CDH18: variants seen among roughly 807,000 people sequenced by gnomAD.
CDH18 encodes cadherin-18.
A neutral mutation model predicts 67.9 loss-of-function variants in CDH18; 31 were observed. The ratio of observed to expected loss-of-function variants is 0.46; its 90% CI spans 0.34 to 0.62. The LOEUF is 0.62. CDH18 is among the 20% of genes least tolerant of loss of function. The pLI, the probability that CDH18 is intolerant of heterozygous loss-of-function variation, is 0.01. For synonymous variants in CDH18, 362 were observed against 347.2 expected (o/e 1.04, Z -0.48); for missense variants, 890 against 975.5 (o/e 0.91, Z 1.17).
rs1750564379 is a variant in CDH18 at position 19,620,733 on chromosome 5, G to A, written c.644-8132C>T. On this transcript the variant is annotated intron_variant, in intron 5 of 12. Transcript: ENST00000382275. ...TGCTTGCATTTTATTTCTGTTATTA[G>A]TATTCAATGTGATCTGTGTTTTCAA... Among the ~76,000 whole-genome samples, 6 of 151,996 alleles carry A rather than the reference G, an allele frequency of 3.9e-5. No homozygotes were observed. The South Asian group carries it at 1.2e-3, about 32-fold the overall frequency.
At chr5:20,033,098 T>C (rs1739544971) in intron 2 of CDH18, among the ~76,000 whole-genome samples, 1 of 152,002 alleles carries the variant, frequency 6.6e-6, no homozygotes, top group Non-Finnish European at 1.5e-5. Context: ...TCTGCAGCTC[T>C]AAAACTGGTT....
intron 2 of CDH18, among the ~76,000 whole-genome samples, chr5:19,998,014 G>A (rs1197137975): frequency 6.6e-6 from 1 of 152,166 alleles, no homozygotes. Context: ...CTGGAAACAT[G>A]AAATGGAAAA....
chr5:19,779,203 G>A (rs979223682), intron 3 of CDH18, among the ~76,000 whole-genome samples: 2 of 152,090 alleles, frequency 1.3e-5, no homozygotes, highest in African/African-American at 4.8e-5. Context: ...AGCAGACAGA[G>A]ACTCACATTA....
intron 2 of CDH18, among the ~76,000 whole-genome samples, chr5:20,148,237 G>T (rs1466330664): frequency 6.6e-6 from 1 of 151,584 alleles, no homozygotes; most frequent in Middle Eastern, 3.4e-3. Context: ...GACTACAGAC[G>T]CCCATCACCA....
intron 1 of CDH18, among the ~76,000 whole-genome samples, chr5:20,540,433 C>T (rs1417560333): frequency 6.6e-6 from 1 of 152,040 alleles, no homozygotes; most frequent in Non-Finnish European, 1.5e-5. Flanking sequence ...ATAATGATAG[C>T]TACATATGAT....
intron 1 of CDH18, among the ~76,000 whole-genome samples, chr5:20,411,220 G>A (rs142163607): frequency 2.6e-5 from 4 of 152,046 alleles, no homozygotes; most frequent in East Asian, 1.9e-4. Flanking sequence ...CAATGATACA[G>A]TAAGTAAAAC....
At chr5:20,368,763 C>T (rs1037153542) in intron 1 of CDH18, among the ~76,000 whole-genome samples, 1 of 152,140 alleles carries the variant, frequency 6.6e-6, no homozygotes. Flanking sequence ...CTGGTGCCAA[C>T]AGCAAGAGCA....
At chr5:19,854,068 G>T (rs990150155) in intron 2 of CDH18, among the ~76,000 whole-genome samples, 1 of 152,088 alleles carries the variant, frequency 6.6e-6, no homozygotes, top group African/African-American at 2.4e-5. Context: ...GAGAAGACAT[G>T]CAGGGCTTTT....
At chr5:20,389,505 C>A (rs897110429) in intron 1 of CDH18, among the ~76,000 whole-genome samples, 1 of 152,006 alleles carries the variant, frequency 6.6e-6, no homozygotes, top group Non-Finnish European at 1.5e-5. Flanking sequence ...ACTCTTTATC[C>A]AATTTGCTGT....
intron 2 of CDH18, among the ~76,000 whole-genome samples, chr5:20,179,073 T>A (rs1412441050): frequency 6.6e-6 from 1 of 151,908 alleles, no homozygotes; most frequent in Non-Finnish European, 1.5e-5. Context: ...GTAGAGTGAG[T>A]TTTAAGTCAT....
intron 2 of CDH18, among the ~76,000 whole-genome samples, chr5:20,237,576 A>G (rs1170055406): frequency 6.6e-6 from 1 of 151,976 alleles, no homozygotes; most frequent in Admixed American, 6.6e-5. Context: ...AATTAAAAAT[A>G]TGAAGCATTT....
At chr5:20,549,055 C>T (rs1757495097) in intron 1 of CDH18, among the ~76,000 whole-genome samples, 1 of 152,058 alleles carries the variant, frequency 6.6e-6, no homozygotes, top group Non-Finnish European at 1.5e-5. Context: ...GAAAAAATGT[C>T]TCATGCTGCC....
At chr5:19,832,264 G>A (rs1781127887) in intron 3 of CDH18, among the ~76,000 whole-genome samples, 1 of 151,978 alleles carries the variant, frequency 6.6e-6, no homozygotes, top group Non-Finnish European at 1.5e-5. Flanking sequence ...AATAAAGGTA[G>A]AAATTTTTTC....
At chr5:19,811,080 AAG>A in intron 3 of CDH18, among the ~76,000 whole-genome samples, 1 of 13,750 alleles carries the variant, frequency 7.3e-5, no homozygotes. Context: ...GAAAGAGAAA[AAG>A]AAAGAAAGAA....
intron 1 of CDH18, among the ~76,000 whole-genome samples, chr5:20,390,872 C>T (rs1213915395): frequency 6.6e-6 from 1 of 152,006 alleles, no homozygotes; most frequent in African/African-American, 2.4e-5. Flanking sequence ...TCATTCTCAG[C>T]AAACTATCAC....
At chr5:20,346,912 G>A (rs971831472) in intron 1 of CDH18, among the ~76,000 whole-genome samples, 1 of 152,112 alleles carries the variant, frequency 6.6e-6, no homozygotes, top group Non-Finnish European at 1.5e-5. Context: ...TTGCCAATCA[G>A]GTGATGGATC....
At chr5:19,686,736 T>C (rs1335657915) in intron 5 of CDH18, among the ~76,000 whole-genome samples, 1 of 152,152 alleles carries the variant, frequency 6.6e-6, no homozygotes, top group Non-Finnish European at 1.5e-5. Flanking sequence ...TACTTCAAGT[T>C]CATTAAATCA....
At chr5:20,487,693 C>G (rs547477858) in intron 1 of CDH18, among the ~76,000 whole-genome samples, 2 of 151,162 alleles carry the variant, frequency 1.3e-5, no homozygotes, top group African/African-American at 2.4e-5. Flanking sequence ...AATTTGAAAA[C>G]ATTTTCATTA....
intron 2 of CDH18, among the ~76,000 whole-genome samples, chr5:20,252,948 A>T (rs1743970948): frequency 6.6e-6 from 1 of 151,754 alleles, no homozygotes; most frequent in African/African-American, 2.4e-5. Flanking sequence ...AAAAAAAAAA[A>T]GTGCACCAAT....
Sources: gnomAD v4.1 joint callset for allele counts (sites outside exome capture counted in the v4.1 genomes callset) on GRCh38, gnomAD v4.1.1 for gene constraint, MANE v1.5 for transcripts, NCBI Gene and HGNC (gene_info 2026-07-23, HGNC 2026-07-21) for gene names.